Variants in ENTHD1 observed in about 807,000 individuals in gnomAD.
ENTHD1 encodes the protein ENTH domain containing 1, also known as ENTH domain-containing protein 1.
Under a neutral mutation model 39.1 loss-of-function variants are expected in ENTHD1, and 23 were observed. The observed-to-expected ratio is 0.59, with a 90% CI of 0.42 to 0.83. The LOEUF is 0.83. Among genes scored for constraint, ENTHD1 ranks in the 40% least tolerant of loss-of-function variants. The pLI, the probability that ENTHD1 is intolerant of heterozygous loss-of-function variation, is 0.00. For missense variants in ENTHD1, 624 were observed against 705.4 expected (o/e 0.88, Z 1.31); for synonymous variants, 230 against 258.2 (o/e 0.89, Z 1.05).
At chr22:39,883,564 C>T (rs2066356499) in intron 2 of ENTHD1, among the ~76,000 whole-genome samples, 1 of 152,014 alleles carries the variant, frequency 6.6e-6, no homozygotes, top group Non-Finnish European at 1.5e-5. Flanking sequence ...CTGCTCTCAA[C>T]ACTTCTTTCT....
intron 2 of ENTHD1, among the ~76,000 whole-genome samples, chr22:39,873,057 T>G (rs1264626400): frequency 1.3e-5 from 2 of 151,840 alleles, no homozygotes; most frequent in African/African-American, 4.8e-5. Context: ...ACTCCTGACC[T>G]CAGGAAATCC....
chr22:39,785,391 C>G (rs1184031245), intron 5 of ENTHD1, among the ~76,000 whole-genome samples: 1 of 152,234 alleles, frequency 6.6e-6, no homozygotes, highest in Admixed American at 6.5e-5. Context: ...TCTTTTATTT[C>G]TTTCCCTTTT....
chr22:39,886,412 T>C (rs1187052859), intron 2 of ENTHD1, among the ~76,000 whole-genome samples: 2 of 152,170 alleles, frequency 1.3e-5, no homozygotes, highest in Non-Finnish European at 2.9e-5. Flanking sequence ...TCATTAACAA[T>C]AATGTATCAG....
chr22:39,830,786 C>T (rs7287193), intron 4 of ENTHD1, among the ~76,000 whole-genome samples: 10,925 of 152,142 alleles, frequency 0.072, 446 homozygotes, highest in South Asian at 0.12. Context: ...AACAGAAAAA[C>T]GAATTAATGA....
At chr22:39,862,933 T>G (rs1481991399) in intron 2 of ENTHD1, among the ~76,000 whole-genome samples, 1 of 152,152 alleles carries the variant, frequency 6.6e-6, no homozygotes, top group East Asian at 1.9e-4. Context: ...TCCCACAGCA[T>G]TTGTCTCTTG....
At chr22:39,775,752 A>G (rs2065360737) in intron 5 of ENTHD1, among the ~76,000 whole-genome samples, 1 of 152,114 alleles carries the variant, frequency 6.6e-6, no homozygotes, top group African/African-American at 2.4e-5. Context: ...TGGCCTCTGT[A>G]TCTGTGCTGC....
At chr22:39,763,450 A>C (rs2065251294) in intron 6 of ENTHD1, among the ~76,000 whole-genome samples, 1 of 152,124 alleles carries the variant, frequency 6.6e-6, no homozygotes. Flanking sequence ...TTGAAAGCTC[A>C]AACTCCTACC....
At chr22:39,767,358 G>A (rs1157954073) in intron 5 of ENTHD1, among the ~76,000 whole-genome samples, 1 of 151,988 alleles carries the variant, frequency 6.6e-6, no homozygotes, top group South Asian at 2.1e-4. Flanking sequence ...TAAGCCAGGC[G>A]CAGTGCCTGT....
chr22:39,868,800 A>G (rs981928702), intron 2 of ENTHD1, among the ~76,000 whole-genome samples: 1 of 152,200 alleles, frequency 6.6e-6, no homozygotes, highest in African/African-American at 2.4e-5. Flanking sequence ...AACCCAACTA[A>G]AAAATGGGCA....
rs200509375 is a variant in ENTHD1, at chr22:39,765,400, T to C, written c.1042A>G (p.Arg348Gly). 8 of 1,614,046 alleles carry C rather than the reference T, an allele frequency of 5.0e-6. No homozygotes were observed. The highest frequency in any genetic ancestry group is 1.7e-5 in the Admixed American group (1 of 59,958). ...AAAGTAGAATCTGACTTTGATACCC[T>C]TAAGTCGGGGCTGATAAACTCCTCT... ...SKEEFISPDL[R>G]VSKSDSTFHN... The change falls in exon 6 of 7, where the codon AGG becomes GGG. Residue 348 changes from arginine (R) to glycine (G), a missense_variant. Arg to Gly is a moderately radical substitution (Grantham distance 125). Coordinates refer to ENST00000325157, the MANE Select transcript of ENTHD1 (RefSeq NM_152512.4).
intron 3 of ENTHD1, among the ~76,000 whole-genome samples, chr22:39,853,944 G>C (rs1191015564): frequency 6.6e-6 from 1 of 152,216 alleles, no homozygotes. Flanking sequence ...GTAAAAATAA[G>C]TAAGATGATT....
At chr22:39,793,845 T>C (rs910886543) in intron 5 of ENTHD1, among the ~76,000 whole-genome samples, 1 of 152,254 alleles carries the variant, frequency 6.6e-6, no homozygotes, top group African/African-American at 2.4e-5. Flanking sequence ...AATACCATGC[T>C]GTTTGGTTAC....
chr22:39,747,243 C>A (rs760383298), intron 6 of ENTHD1, among the ~76,000 whole-genome samples: 9 of 152,200 alleles, frequency 5.9e-5, no homozygotes, highest in Non-Finnish European at 1.3e-4. Flanking sequence ...CACTCCTCAG[C>A]CTCCCGAAGC....
At chr22:39,866,156 C>T (rs2066180307) in intron 2 of ENTHD1, among the ~76,000 whole-genome samples, 1 of 152,100 alleles carries the variant, frequency 6.6e-6, no homozygotes, top group African/African-American at 2.4e-5. Context: ...AGGGTAGGGT[C>T]CAGGTGACAG....
At chr22:39,838,411 G>C (rs906087298) in intron 3 of ENTHD1, among the ~76,000 whole-genome samples, 4 of 152,032 alleles carry the variant, frequency 2.6e-5, no homozygotes, top group African/African-American at 9.7e-5. Flanking sequence ...ATAATTTCCA[G>C]CATATTACTT....
rs180778816 is a variant in ENTHD1 at position 39,867,802 on chromosome 22, A to T, written c.350-5795T>A. ...GAGCACAACTCCGTCTCAAAAAAAA[A>T]ATCCCTCCAGTCAAGTTGACACAGT... On this transcript the variant is annotated intron_variant, in intron 2 of 6. Coordinates refer to ENST00000325157, the MANE Select transcript of ENTHD1 (RefSeq NM_152512.4). This position sits in a 1 kb window ranked among gnomAD's most constrained non-coding sequence, Gnocchi z 4.5. 2.0e-5 allele frequency among the ~76,000 whole-genome samples: 3 copies of T among 152,296 alleles called. No homozygotes were observed. The East Asian group carries it at 5.8e-4, about 29-fold the overall frequency.
intron 5 of ENTHD1, among the ~76,000 whole-genome samples, chr22:39,820,400 C>A (rs1439312009): frequency 6.6e-6 from 1 of 152,158 alleles, no homozygotes; most frequent in Admixed American, 6.5e-5. Context: ...TTCCATTCTA[C>A]TTTCTGAGAA....
intron 5 of ENTHD1, among the ~76,000 whole-genome samples, chr22:39,812,245 G>A (rs888722833): frequency 6.6e-6 from 1 of 152,108 alleles, no homozygotes; most frequent in Non-Finnish European, 1.5e-5. Flanking sequence ...GTATGCCAGC[G>A]CTACCCAGAA....
At chr22:39,759,675 T>C (rs1033120659) in intron 6 of ENTHD1, among the ~76,000 whole-genome samples, 1 of 152,074 alleles carries the variant, frequency 6.6e-6, no homozygotes. Flanking sequence ...TTACTGATTT[T>C]TAAGGCATTC....
Sources: allele counts gnomAD v4.1 joint callset (sites outside exome capture counted in the v4.1 genomes callset), GRCh38; gene constraint gnomAD v4.1.1; non-coding constraint Gnocchi (gnomAD v3.1); transcripts MANE v1.5; gene names NCBI Gene and HGNC (gene_info 2026-07-23, HGNC 2026-07-21).